STPG2: variants seen among roughly 807,000 people sequenced by gnomAD.
The protein encoded by STPG2 is sperm tail PG-rich repeat containing 2, also known as sperm-tail PG-rich repeat-containing protein 2.
STPG2 carries 56 observed loss-of-function variants against 54.2 expected under a neutral mutation model. The ratio of observed to expected loss-of-function variants is 1.03; its 90% CI spans 0.83 to 1.29. The LOEUF is 1.29. STPG2 is among the 50% of genes most tolerant of loss of function. The pLI is 0.00. For missense variants in STPG2, 596 were observed against 544.9 expected (o/e 1.09, Z -0.93); for synonymous variants, 200 against 181.8 (o/e 1.10, Z -0.81).
chr4:98,016,432 C>A (rs1475033682), intron 5 of STPG2, among the ~76,000 whole-genome samples: 1 of 152,042 alleles, frequency 6.6e-6, no homozygotes, highest in Non-Finnish European at 1.5e-5. Flanking sequence ...ATCCCACAGG[C>A]TTTCTTTACT....
rs1395490364 is a variant in STPG2 at position 97,828,261 on chromosome 4, C to T, written c.1204+12512G>A. ...TGCGAGCCAAAGCAGGCTGGGGCAT[C>T]GCCTCACCCAGGAAGTGCAAGGGGT... On this transcript the variant is annotated intron_variant, in intron 9 of 10. Transcript: ENST00000295268. 3.9e-5 allele frequency among the ~76,000 whole-genome samples: 6 copies of T among 152,110 alleles called. No individual in the cohort carries two copies. The South Asian group carries it at 6.2e-4, about 16-fold the overall frequency.
intron 3 of STPG2, among the ~76,000 whole-genome samples, chr4:98,125,689 T>C (rs1025834831): frequency 6.6e-6 from 1 of 152,166 alleles, no homozygotes; most frequent in Non-Finnish European, 1.5e-5. Context: ...TGGCCACTCC[T>C]TGGCAGAGCA....
At chr4:98,020,878 T>A (rs537610857) in intron 5 of STPG2, among the ~76,000 whole-genome samples, 2 of 152,266 alleles carry the variant, frequency 1.3e-5, no homozygotes, top group African/African-American at 4.8e-5. Flanking sequence ...CCTTTATCAT[T>A]TTTTATTGCG....
intron 8 of STPG2, among the ~76,000 whole-genome samples, chr4:97,841,328 T>C (rs1273260942): frequency 6.6e-6 from 1 of 151,752 alleles, no homozygotes; most frequent in Non-Finnish European, 1.5e-5. Context: ...TTACTTATTC[T>C]ACAAAATGAG....
intron 4 of STPG2, among the ~76,000 whole-genome samples, chr4:97,552,470 T>C (rs62315849): frequency 0.037 from 5,604 of 152,198 alleles, 166 homozygotes; most frequent in Non-Finnish European, 0.061. Flanking sequence ...CATGTTTTCA[T>C]CAGGTTTAAT....
At chr4:97,975,246 CA>C (rs1489218615) in intron 6 of STPG2, among the ~76,000 whole-genome samples, 3 of 151,280 alleles carry the variant, frequency 2.0e-5, no homozygotes, top group African/African-American at 7.3e-5. Flanking sequence ...CAAAATTCAT[CA>C]AATTGTACAT....
intron 9 of STPG2, among the ~76,000 whole-genome samples, chr4:97,775,736 G>A (rs1726355686): frequency 6.6e-6 from 1 of 152,148 alleles, no homozygotes; most frequent in South Asian, 2.1e-4. Flanking sequence ...AAAATTGCTA[G>A]TGGGAGCAAT....
At chr4:97,552,529 G>T (rs941075033) in intron 4 of STPG2, among the ~76,000 whole-genome samples, 2 of 151,846 alleles carry the variant, frequency 1.3e-5, no homozygotes, top group African/African-American at 4.8e-5. Context: ...TATCATATTT[G>T]ATAATTTTCA....
intron 8 of STPG2, among the ~76,000 whole-genome samples, chr4:97,848,211 C>T (rs1456592516): frequency 6.6e-6 from 1 of 152,070 alleles, no homozygotes; most frequent in African/African-American, 2.4e-5. Flanking sequence ...TTCTTGAGAA[C>T]CCTAGCTAGA....
At chr4:97,917,903 C>A (rs1030711184) in intron 8 of STPG2, among the ~76,000 whole-genome samples, 2 of 151,852 alleles carry the variant, frequency 1.3e-5, no homozygotes, top group African/African-American at 4.8e-5. Context: ...GGACACTACT[C>A]ATAGGAAAAA....
intron 4 of STPG2, among the ~76,000 whole-genome samples, chr4:97,548,088 T>G (rs1731882005): frequency 6.6e-6 from 1 of 152,100 alleles, no homozygotes; most frequent in Non-Finnish European, 1.5e-5. Context: ...AGGCGGAGAT[T>G]GTGGTGAGCC....
chr4:97,924,038 T>A (rs1190997003), intron 8 of STPG2, among the ~76,000 whole-genome samples: 2 of 152,204 alleles, frequency 1.3e-5, no homozygotes, highest in African/African-American at 4.8e-5. Context: ...TCTTTCACTC[T>A]TTGCAATAAA....
chr4:97,591,583 G>GA (rs1733148223), intron 10 of STPG2, among the ~76,000 whole-genome samples: 1 of 152,120 alleles, frequency 6.6e-6, no homozygotes, highest in African/African-American at 2.4e-5. Flanking sequence ...ACTTGAAGGT[G>GA]AAAAATGATG....
intron 4 of STPG2, among the ~76,000 whole-genome samples, chr4:97,530,985 A>C (rs1731401527): frequency 6.6e-6 from 1 of 152,220 alleles, no homozygotes; most frequent in African/African-American, 2.4e-5. Flanking sequence ...ACCAGAATAT[A>C]TAAGGAGCTC....
chr4:97,675,441 G>A (rs1242050469), intron 10 of STPG2, among the ~76,000 whole-genome samples: 2 of 152,026 alleles, frequency 1.3e-5, no homozygotes, highest in Admixed American at 1.3e-4. Flanking sequence ...CACCGACCTG[G>A]GGCAAAGTCC....
Position 97,739,126 on chromosome 4 carries a change from T to C in STPG2, c.1205-26312A>G, listed in dbSNP as rs866021532. Among the ~76,000 whole-genome samples the C allele has an allele frequency of 4.6e-5, 7 of 152,034 alleles. No individual in the cohort carries two copies. The South Asian group carries it at 8.3e-4, about 18-fold the overall frequency. ...TCCTGAATGACTACTGGGTACATAA[T>C]GAAATGAAGGCAGAAATCAAGATGT... On this transcript the variant is annotated intron_variant, in intron 9 of 10. Transcript: ENST00000295268.
At chr4:98,119,843 T>A (rs1397576627) in intron 3 of STPG2, among the ~76,000 whole-genome samples, 1 of 152,194 alleles carries the variant, frequency 6.6e-6, no homozygotes, top group Non-Finnish European at 1.5e-5. Context: ...GTGTTTGGAC[T>A]TCTGTTCCTG....
intron 10 of STPG2, among the ~76,000 whole-genome samples, chr4:97,703,671 A>ATATATATAGTATATATATTTAG (rs1491159690): frequency 8.6e-6 from 1 of 115,690 alleles, no homozygotes; most frequent in East Asian, 2.4e-4. Flanking sequence ...CATATATAAA[A>ATATATATAGTATATATATTTAG]TATATATAGT....
intron 10 of STPG2, among the ~76,000 whole-genome samples, chr4:97,597,844 C>A (rs1050151063): frequency 2.0e-5 from 3 of 152,066 alleles, no homozygotes; most frequent in Non-Finnish European, 4.4e-5. Context: ...TGCCCACTCT[C>A]ACCACTCCTG....
Sources: allele counts gnomAD v4.1 joint callset (sites outside exome capture counted in the v4.1 genomes callset), GRCh38; gene constraint gnomAD v4.1.1; transcripts MANE v1.5; gene names NCBI Gene and HGNC (gene_info 2026-07-23, HGNC 2026-07-21).